Variants in ZNF440 observed in about 807,000 individuals in gnomAD.
The protein encoded by ZNF440 is zinc finger protein 440.
In ZNF440, 47 loss-of-function variants were observed where a neutral mutation model predicts 49.7. The observed-to-expected ratio is 0.95, with a 90% CI of 0.75 to 1.21. The LOEUF is 1.21. ZNF440 is among the 50% of genes most tolerant of loss of function. The probability of loss-of-function intolerance (pLI) is 0.00; values close to 1 mark genes in which losing one functional copy is unlikely to be tolerated. For missense variants in ZNF440, 703 were observed against 715.0 expected, an observed-to-expected ratio of 0.98 and a Z score of 0.19; for synonymous variants, 255 against 237.7, an observed-to-expected ratio of 1.07 and a Z score of -0.67.
rs763820178 is a variant in ZNF440 at position 11,831,635 on chromosome 19, C to A, written c.459C>A (p.Phe153Leu). 1.2e-6 allele frequency: 2 copies of A among 1,614,074 alleles called. No homozygotes were observed. The highest frequency in any genetic ancestry group is 2.2e-5 in the East Asian group (1 of 44,890). The change falls in exon 4 of 4, where the codon TTC (phenylalanine) becomes TTA (leucine). Residue 153 changes from phenylalanine to leucine, a missense_variant. Physicochemically the swap from Phe to Leu is conservative, Grantham distance 22 (BLOSUM62 0). Coordinates refer to ENST00000304060, the MANE Select transcript of ZNF440 (RefSeq NM_152357.3). ...AGTGTCAACAACCTAAAAAAGCCTT[C>A]AGATACCGCCCCTCCTTTAGAACAC... ...PCKCQQPKKA[F>L]RYRPSFRTQE...
intron 1 of ZNF440, among the ~76,000 whole-genome samples, chr19:11,823,357 C>G: frequency 6.6e-6 from 1 of 152,022 alleles, no homozygotes. Context: ...TGCCGTAACA[C>G]CCCCCCAACC....
intron 1 of ZNF440, among the ~76,000 whole-genome samples, chr19:11,827,853 T>C (rs1975885635): frequency 6.6e-6 from 1 of 152,126 alleles, no homozygotes; most frequent in Admixed American, 6.5e-5. Flanking sequence ...GGGGCTCAAA[T>C]GATCTGTCCG....
In ZNF440 at chr19:11,831,973, A is replaced by G. The variant is rs368167340; in HGVS notation, c.797A>G (p.His266Arg). The change falls in exon 4 of 4, where the codon CAT (histidine) becomes CGT (arginine). Residue 266 changes from histidine to arginine, a missense_variant. His to Arg is a conservative substitution (Grantham distance 29, BLOSUM62 0). Coordinates refer to ENST00000304060, the MANE Select transcript of ZNF440 (RefSeq NM_152357.3). ...YEYQECGKAFHSPRSYRRHER... is the reference protein window; with the variant it reads ...YEYQECGKAFRSPRSYRRHER... ...TATCAGGAGTGTGGGAAAGCATTTCATAGTCCCAGATCCTATCGTAGACAT... is the reference window on the plus strand; with the variant it reads ...TATCAGGAGTGTGGGAAAGCATTTCGTAGTCCCAGATCCTATCGTAGACAT... 7 of 1,613,676 alleles carry G rather than the reference A, an allele frequency of 4.3e-6. No homozygotes were observed. The African/African-American group carries it at 6.7e-5, about 15-fold the overall frequency.
chr19:11,825,038 C>T (rs1381465959), intron 1 of ZNF440, among the ~76,000 whole-genome samples: 1 of 151,910 alleles, frequency 6.6e-6, no homozygotes, highest in African/African-American at 2.4e-5. Flanking sequence ...TCTTGACTGG[C>T]CAGGTGCTGA....
intron 1 of ZNF440, among the ~76,000 whole-genome samples, chr19:11,818,318 T>A (rs1011706245): frequency 1.3e-5 from 2 of 152,194 alleles, no homozygotes; most frequent in Non-Finnish European, 2.9e-5. Context: ...GTAAGGATAC[T>A]TGCAGGCATC....
chr19:11,828,614 A>G lies in ZNF440; in HGVS notation c.4-1669A>G, dbSNP rs142395646. On this transcript the variant is annotated intron_variant, in intron 1 of 3. Coordinates refer to ENST00000304060, the MANE Select transcript of ZNF440 (RefSeq NM_152357.3). ...AGTTCTCTAAGATGAATTCTATTGT[A>G]TTTTGCTTTTTTCAATTATCCCGAG... 3.6e-3 allele frequency among the ~76,000 whole-genome samples: 545 copies of G among 151,576 alleles called. 2 individuals are homozygous for G. The highest frequency in any genetic ancestry group is 0.013 in the African/African-American group (524 of 41,320).
chr19:11,819,747 T>C (rs1027735109), intron 1 of ZNF440, among the ~76,000 whole-genome samples: 1 of 152,254 alleles, frequency 6.6e-6, no homozygotes, highest in Non-Finnish European at 1.5e-5. Context: ...TTTCTAGTCA[T>C]GTAATCACAG....
At chr19:11,829,363 C>A (rs926757161) in intron 1 of ZNF440, among the ~76,000 whole-genome samples, 1 of 150,632 alleles carries the variant, frequency 6.6e-6, no homozygotes, top group Non-Finnish European at 1.5e-5. Flanking sequence ...TTTGGGTGGT[C>A]CCTGGGGGTG....
intron 1 of ZNF440, among the ~76,000 whole-genome samples, chr19:11,829,030 G>T (rs1227513785): frequency 6.6e-6 from 1 of 152,028 alleles, no homozygotes; most frequent in Non-Finnish European, 1.5e-5. Flanking sequence ...TTATGTATAT[G>T]CTTACCACAT....
At position 11,814,571 on chromosome 19, in the gene ZNF440, C is replaced by T. The variant is rs544361130; in HGVS notation, c.3+121C>T. ...CCGGGGTCGTGGACGCGAGTCCCCT[C>T]GGTCGCAGGGTGGGGCTGGGCCGGC... On this transcript the variant is annotated intron_variant, in intron 1 of 3. Transcript: ENST00000304060. 15 of 1,204,020 alleles carry T rather than the reference C, an allele frequency of 1.2e-5. No homozygotes were observed. In the African/African-American group the frequency reaches 1.8e-4, roughly 14 times the overall value. The allele number at this position is 1,204,020 out of a possible 1,614,324, so 74.6% of individuals were successfully genotyped here. A position where few individuals can be genotyped will look rare whatever the true frequency, so the allele number is the denominator to read the frequency against.
intron 1 of ZNF440, among the ~76,000 whole-genome samples, chr19:11,819,487 C>G (rs1225300982): frequency 6.6e-6 from 1 of 152,172 alleles, no homozygotes; most frequent in Non-Finnish European, 1.5e-5. Flanking sequence ...CAGCCTCTGC[C>G]TCCTGGGTTA....
chr19:11,830,704 GT>G, intron 3 of ZNF440, 27 bp downstream of exon 3: 1 of 1,609,056 alleles, frequency 6.2e-7, no homozygotes, highest in South Asian at 1.1e-5. Flanking sequence ...AGACAAAGCA[GT>G]GTCTCTCTAG....
At chr19:11,825,538 TCA>T (rs1423756006) in intron 1 of ZNF440, among the ~76,000 whole-genome samples, 1 of 152,212 alleles carries the variant, frequency 6.6e-6, no homozygotes, top group Non-Finnish European at 1.5e-5. Flanking sequence ...TTCCAGAATA[TCA>T]CATATTTGGA....
At chr19:11,821,065 T>C (rs1006349408) in intron 1 of ZNF440, among the ~76,000 whole-genome samples, 2 of 152,222 alleles carry the variant, frequency 1.3e-5, no homozygotes, top group Non-Finnish European at 2.9e-5. Context: ...TCTCCTCCAT[T>C]CATCTGTTCT....
At chr19:11,823,641 T>A (rs1975825219) in intron 1 of ZNF440, among the ~76,000 whole-genome samples, 3 of 152,230 alleles carry the variant, frequency 2.0e-5, no homozygotes, top group Non-Finnish European at 1.5e-5. Context: ...TTCCTGAGAC[T>A]TTTTTGGACT....
chr19:11,831,918 A>T lies in ZNF440; in HGVS notation c.742A>T (p.Arg248Ter). 6.2e-7 allele frequency: 1 copy of T among 1,614,004 alleles called. No individual in the cohort carries two copies. Among genetic ancestry groups the T allele is most frequent in the South Asian group, 1.1e-5 (1 of 91,040 alleles). Residue 248 changes from arginine to a stop codon, truncating the protein, a stop_gained, in exon 4 of 4, where the codon AGA becomes TGA. Transcript: ENST00000304060. LOFTEE classifies it high-confidence loss of function. Reference protein sequence around the residue: ...SYSATHRIHKRTHTGEKPYEY... With the variant: ...SYSATHRIHK Reference sequence around the variant, plus strand: ...TTCTGCTACCCATCGAATACATAAAAGAACTCACACTGGAGAAAAGCCTTA... The same window carrying T: ...TTCTGCTACCCATCGAATACATAAATGAACTCACACTGGAGAAAAGCCTTA...
Position 11,830,329 on chromosome 19 carries a change from A to G in ZNF440, c.50A>G (p.Glu17Gly). Residue 17 changes from glutamate to glycine, a missense_variant, in exon 2 of 4, where the codon GAG becomes GGG. Transcript: ENST00000304060. ...KDVAVNFTQEEWALLDISQRK... is the reference protein window; with the variant it reads ...KDVAVNFTQEGWALLDISQRK... ...GTGGCTGTGAACTTCACCCAGGAGG[A>G]GTGGGCTTTGCTGGATATTTCCCAG... is the stretch of plus-strand genomic sequence containing the variant. 6.2e-7 allele frequency: 1 copy of G among 1,614,114 alleles called. No homozygotes were observed. Among genetic ancestry groups the G allele is most frequent in the Non-Finnish European group, 8.5e-7 (1 of 1,180,020 alleles).
chr19:11,831,288 A>G, intron 3 of ZNF440, 80 bp from the exon 4 acceptor site: 1 of 1,518,122 alleles, frequency 6.6e-7, no homozygotes, highest in Non-Finnish European at 8.8e-7. Context: ...GAGTGTTAAA[A>G]ATGCAAGTGC....
At chr19:11,830,229 C>G (rs1426662194) in intron 1 of ZNF440, 54 bp from the exon 2 acceptor site, 1 of 1,609,220 alleles carries the variant, frequency 6.2e-7, no homozygotes, top group South Asian at 1.1e-5. Context: ...AGAGTCTAGG[C>G]CCCCAGTGCT....
Sources: allele counts gnomAD v4.1 joint callset (sites outside exome capture counted in the v4.1 genomes callset), GRCh38; gene constraint gnomAD v4.1.1; transcripts MANE v1.5; gene names NCBI Gene and HGNC (gene_info 2026-07-23, HGNC 2026-07-21).